ELF5: variants seen among roughly 807,000 people sequenced by gnomAD.
ELF5 encodes the protein ETS-related transcription factor Elf-5.
Under a neutral mutation model 38.2 loss-of-function variants are expected in ELF5, and 31 were observed. The observed-to-expected ratio is 0.81, with a 90% CI of 0.61 to 1.10. The LOEUF is 1.10. Ranked by LOEUF, ELF5 falls within the 50% of genes least tolerant of loss-of-function variation. The pLI, the probability that ELF5 is intolerant of heterozygous loss-of-function variation, is 0.00. For synonymous variants in ELF5, 121 were observed against 112.5 expected, an observed-to-expected ratio of 1.08 and a Z score of -0.48; for missense variants, 300 against 306.6, an observed-to-expected ratio of 0.98 and a Z score of 0.16.
At chr11:34,484,885 C>G (rs1849945700) in intron 4 of ELF5, among the ~76,000 whole-genome samples, 1 of 152,188 alleles carries the variant, frequency 6.6e-6, no homozygotes, top group Admixed American at 6.5e-5. Flanking sequence ...CACTTCTACC[C>G]AGCGGACCTC....
At chr11:34,485,244 T>C (rs1849959691) in intron 4 of ELF5, among the ~76,000 whole-genome samples, 1 of 152,232 alleles carries the variant, frequency 6.6e-6, no homozygotes, top group Non-Finnish European at 1.5e-5. Flanking sequence ...AAAGCTAATG[T>C]TCATAACTAC....
rs760699423 is a variant in ELF5, at chr11:34,490,059, C to A, written c.356G>T (p.Gly119Val). The change falls in exon 4 of 7, where the codon GGT (glycine) becomes GTT (valine). Residue 119 changes from glycine (G) to valine (V), a missense_variant and splice_region_variant. Gly to Val is a moderately radical substitution (Grantham distance 109). Transcript: ENST00000257832. Reference protein sequence around the residue: ...YFILQNIRTQGYSFFNDAEES... With the variant: ...YFILQNIRTQVYSFFNDAEES... ...TTCAGCGTCATTAAAAAAGGAGTAA[C>A]CTGGGAAAGAAAAAGAAATCCAGAA... The A allele has an allele frequency of 2.0e-5, 33 of 1,613,740 alleles. No homozygotes were observed. The highest frequency in any genetic ancestry group is 1.5e-5 in the Non-Finnish European group (18 of 1,179,906).
chr11:34,489,031 G>A (rs771447910), intron 4 of ELF5, among the ~76,000 whole-genome samples: 2 of 152,240 alleles, frequency 1.3e-5, no homozygotes, highest in Non-Finnish European at 2.9e-5. Flanking sequence ...GGCCCCGAGT[G>A]ATGAAACCTG....
chr11:34,504,567 G>C (rs1764428155), intron 2 of ELF5, among the ~76,000 whole-genome samples: 1 of 152,188 alleles, frequency 6.6e-6, no homozygotes, highest in African/African-American at 2.4e-5. Context: ...TGGAGGCATG[G>C]CCTCTCTTGC....
chr11:34,501,938 C>T (rs948332223), intron 2 of ELF5, among the ~76,000 whole-genome samples: 1 of 152,064 alleles, frequency 6.6e-6, no homozygotes, highest in Non-Finnish European at 1.5e-5. Context: ...CTTCCCTTCC[C>T]TCAGGTCTCA....
intron 2 of ELF5, among the ~76,000 whole-genome samples, chr11:34,494,852 G>GGA (rs1850278570): frequency 6.6e-6 from 1 of 152,208 alleles, no homozygotes; most frequent in Non-Finnish European, 1.5e-5. Context: ...CTGTATCATA[G>GGA]TGCTGTTCTG....
rs570659245 is a variant in ELF5 at position 34,507,092 on chromosome 11, T to C, written c.-4-1339A>G. 3.3e-4 allele frequency among the ~76,000 whole-genome samples: 51 copies of C among 152,360 alleles called. No individual in the cohort carries two copies. The South Asian group carries it at 0.01, about 30-fold the overall frequency. On this transcript the variant is annotated intron_variant, in intron 1 of 6. Coordinates refer to ENST00000257832, the MANE Select transcript of ELF5 (RefSeq NM_001422.4). ...TTATTGCACTGAGTGAATATTCTTA[T>C]GATGCAGTGCAGAAATATTAATGTT...
In ELF5 at chr11:34,512,069, G is replaced by C. The variant is rs540081197; in HGVS notation, c.-5+1608C>G. Among the ~76,000 whole-genome samples the C allele has an allele frequency of 2.0e-5, 3 of 152,230 alleles. No homozygotes were observed. The South Asian group carries it at 6.2e-4, about 32-fold the overall frequency. ...CTTAAAGCCTCAGTGATACCCAAAT[G>C]TCCACTCCGTCCCAAGACTTGTGAG... On this transcript the variant is annotated intron_variant, in intron 1 of 6. Transcript: ENST00000257832.
chr11:34,484,790 C>T (rs953443840), intron 4 of ELF5, among the ~76,000 whole-genome samples: 7 of 152,254 alleles, frequency 4.6e-5, no homozygotes, highest in Middle Eastern at 6.8e-3. Context: ...TGCTTCCCAA[C>T]TTTTTCCCTT....
chr11:34,489,499 T>C (rs17269847), intron 4 of ELF5, among the ~76,000 whole-genome samples: 10,357 of 152,274 alleles, frequency 0.068, 480 homozygotes, highest in Non-Finnish European at 0.1. Context: ...CCGAGCCTTC[T>C]TCATCTGCCC....
intron 2 of ELF5, among the ~76,000 whole-genome samples, chr11:34,494,673 T>C (rs1226862182): frequency 6.6e-6 from 1 of 152,090 alleles, no homozygotes; most frequent in Non-Finnish European, 1.5e-5. Flanking sequence ...AAATGGAAAG[T>C]GGGGTGGACA....
intron 4 of ELF5, among the ~76,000 whole-genome samples, chr11:34,488,097 T>C (rs1226519871): frequency 6.6e-6 from 1 of 152,196 alleles, no homozygotes; most frequent in East Asian, 1.9e-4. Flanking sequence ...TTAAATGCAA[T>C]CTTTCCCCAT....
At chr11:34,487,967 G>T in intron 4 of ELF5, among the ~76,000 whole-genome samples, 1 of 151,978 alleles carries the variant, frequency 6.6e-6, no homozygotes, top group East Asian at 1.9e-4. Flanking sequence ...TCCACCTCGT[G>T]ACCTCCGCAC....
At chr11:34,511,867 G>A (rs1159277033) in intron 1 of ELF5, 4 of 436,538 alleles carry the variant, frequency 9.2e-6, no homozygotes, top group Middle Eastern at 6.1e-4. Context: ...TTCACTCTGG[G>A]CATGTGACCA....
rs187442204 is a variant in ELF5, at chr11:34,495,803, T to C, written c.122-2091A>G. Among the ~76,000 whole-genome samples, 192 of 152,316 alleles carry C rather than the reference T, an allele frequency of 1.3e-3. 1 individual carries two copies. The highest frequency in any genetic ancestry group is 4.5e-3 in the African/African-American group (186 of 41,582). On this transcript the variant is annotated intron_variant, in intron 2 of 6. Transcript: ENST00000257832. ...GCTGGCTTACCAGGCCCGTGGGGGC[T>C]CTTCAGGGCAGGCAGGGGTTCCTGG...
intron 4 of ELF5, among the ~76,000 whole-genome samples, chr11:34,487,004 T>A (rs138638636): frequency 1.2e-3 from 182 of 152,296 alleles, no homozygotes; most frequent in African/African-American, 3.9e-3. Context: ...GGCACCATGA[T>A]CACGTGTCCT....
intron 4 of ELF5, among the ~76,000 whole-genome samples, chr11:34,489,454 A>T (rs945158529): frequency 2.6e-5 from 4 of 152,192 alleles, no homozygotes; most frequent in African/African-American, 9.6e-5. Context: ...CATCATTGTC[A>T]TCTTTGAAAA....
At chr11:34,500,969 TATCATGC>T (rs1850450735) in intron 2 of ELF5, among the ~76,000 whole-genome samples, 2 of 115,002 alleles carry the variant, frequency 1.7e-5, no homozygotes, top group South Asian at 5.3e-4. Flanking sequence ...ATGTGCCCGT[TATCATGC>T]TAAATTATTT....
intron 1 of ELF5, among the ~76,000 whole-genome samples, chr11:34,506,918 G>A (rs746114371): frequency 1.1e-4 from 17 of 152,228 alleles, no homozygotes; most frequent in Non-Finnish European, 1.3e-4. Flanking sequence ...GTGTGTGTAC[G>A]TGTGTGTGTG....
Sources: allele counts gnomAD v4.1 joint callset (sites outside exome capture counted in the v4.1 genomes callset), GRCh38; gene constraint gnomAD v4.1.1; transcripts MANE v1.5; gene names NCBI Gene and HGNC (gene_info 2026-07-23, HGNC 2026-07-21).